The following PACRGL variants were observed in gnomAD, a reference collection of about 807,000 sequenced individuals.
The protein encoded by PACRGL is PACRG-like protein.
In PACRGL, 38 loss-of-function variants were observed where a neutral mutation model predicts 34.5. The ratio of observed to expected loss-of-function variants is 1.10; its 90% CI spans 0.85 to 1.44. The LOEUF (loss-of-function observed/expected upper bound fraction) is 1.44, where lower values mean the gene tolerates loss of function less well. Among genes scored for constraint, PACRGL ranks in the 40% most tolerant of loss-of-function variants. The pLI is 0.00. For synonymous variants in PACRGL, 128 were observed against 100.1 expected, an observed-to-expected ratio of 1.28 and a Z score of -1.66; for missense variants, 305 against 281.4, an observed-to-expected ratio of 1.08 and a Z score of -0.60.
At position 20,700,625 on chromosome 4, in the gene PACRGL, G is replaced by C. The variant is rs1446219731; in HGVS notation, c.-179G>C. Reference sequence around the variant, plus strand: ...CGTGAACCGCGGGTACAGGTGTCCTGTCTGCGCTCTCTGCCAAGCCGGCTT... The same window carrying C: ...CGTGAACCGCGGGTACAGGTGTCCTCTCTGCGCTCTCTGCCAAGCCGGCTT... On this transcript the variant is annotated 5_prime_UTR_variant, in exon 1 of 9. Transcript: ENST00000503585. 1 of 152,126 alleles carries C rather than the reference G, an allele frequency of 6.6e-6. No homozygotes were observed. The highest frequency in any genetic ancestry group is 1.5e-5 in the Non-Finnish European group (1 of 68,056). 9.4% of individuals were successfully genotyped at this position (152,126 alleles called of 1,614,324 possible).
rs1457695332 is a variant in PACRGL at position 20,731,399 on chromosome 4, C to T, written c.*4058C>T. 3.0e-6 allele frequency: 3 copies of T among 985,066 alleles called. No homozygotes were observed. Among genetic ancestry groups the T allele is most frequent in the East Asian group, 1.1e-4 (1 of 8,814 alleles). The allele number at this position is 985,066 out of a possible 1,614,324, so 61.0% of individuals were successfully genotyped here. On this transcript the variant is annotated 3_prime_UTR_variant, in exon 9 of 9. Coordinates refer to ENST00000503585, the MANE Select transcript of PACRGL (RefSeq NM_001258345.3). Reference sequence around the variant, plus strand: ...TTAACAATTTTTAACTGTGGTTCTGCCCACACATCAAGTCAAATAATTCTA... The same window carrying T: ...TTAACAATTTTTAACTGTGGTTCTGTCCACACATCAAGTCAAATAATTCTA...
intron 8 of PACRGL, among the ~76,000 whole-genome samples, chr4:20,745,194 T>C (rs1366026789): frequency 6.6e-6 from 1 of 150,690 alleles, no homozygotes; most frequent in Non-Finnish European, 1.5e-5. Flanking sequence ...TTTTTGTTGC[T>C]GTGAACCAAT....
At chr4:20,713,016 A>G (rs1738031539) in intron 6 of PACRGL, 94 bp downstream of exon 6, 3 of 1,277,234 alleles carry the variant, frequency 2.3e-6, no homozygotes, top group Non-Finnish European at 3.1e-6. Flanking sequence ...TTTTCCCTCC[A>G]TATTATATGC....
chr4:20,716,381 G>A (rs1363674101), intron 7 of PACRGL: 1 of 575,748 alleles, frequency 1.7e-6, no homozygotes, highest in African/African-American at 1.9e-5. Context: ...TAAGTTCTAG[G>A]GTACATGTGC....
intron 1 of PACRGL, 121 bp from the exon 2 acceptor site, chr4:20,704,345 A>G (rs760199280): frequency 3.6e-6 from 3 of 828,822 alleles, no homozygotes; most frequent in African/African-American, 1.7e-5. Flanking sequence ...TTTGCTCCAT[A>G]TCAACTTTTT....
In PACRGL at chr4:20,731,853, T is replaced by C. The variant is rs1206355678; in HGVS notation, c.*4512T>C. The C allele has an allele frequency of 1.0e-6, 1 of 985,310 alleles. No individual in the cohort carries two copies. Among genetic ancestry groups the C allele is most frequent in the Non-Finnish European group, 1.2e-6 (1 of 829,926 alleles). 61.0% of individuals were successfully genotyped at this position (985,310 alleles called of 1,614,324 possible). ...GTTGATTATGTAATTGGTGCTTGTT[T>C]TCAGAGTGGTAGGCTTATGCTGCAT... is the stretch of plus-strand genomic sequence containing the variant. On this transcript the variant is annotated 3_prime_UTR_variant, in exon 9 of 9. Transcript: ENST00000503585.
chr4:20,731,992 C>CT lies in PACRGL; in HGVS notation c.*4654dup. 6.2e-6 allele frequency: 10 copies of CT among 1,612,934 alleles called. No homozygotes were observed. The highest frequency in any genetic ancestry group is 8.5e-6 in the Non-Finnish European group (10 of 1,179,604). On this transcript the variant is annotated 3_prime_UTR_variant, in exon 9 of 9. Coordinates refer to ENST00000503585, the MANE Select transcript of PACRGL (RefSeq NM_001258345.3). ...GATAGCTGAATTGATAGTTATTACACTTTCATTACTTACTTTTTGGCAGCT... is the reference window on the plus strand; with the variant it reads ...GATAGCTGAATTGATAGTTATTACACTTTTCATTACTTACTTTTTGGCAGCT...
rs1381796536 is a variant in PACRGL, at chr4:20,730,217, T to TCAAC, written c.*2879_*2882dup. 1.4e-6 allele frequency: 2 copies of TCAAC among 1,396,602 alleles called. No homozygotes were observed. Among genetic ancestry groups the TCAAC allele is most frequent in the Admixed American group, 5.0e-5 (2 of 39,736 alleles). The allele number at this position is 1,396,602 out of a possible 1,614,324, so 86.5% of individuals were successfully genotyped here. On this transcript the variant is annotated 3_prime_UTR_variant, in exon 9 of 9. Coordinates refer to ENST00000503585, the MANE Select transcript of PACRGL (RefSeq NM_001258345.3). ...TGCCCCTGAGTATTGCCTCCTCCCA[T>TCAAC]CAACCACCTCAACCACCTATGCCAA...
At chr4:20,748,869 CGT>C (rs1423748834) in intron 8 of PACRGL, among the ~76,000 whole-genome samples, 10 of 117,782 alleles carry the variant, frequency 8.5e-5, no homozygotes, top group South Asian at 5.8e-4. Flanking sequence ...ATATGAATTA[CGT>C]GTGTGTGTGT....
chr4:20,727,148 CT>C, intron 8 of PACRGL, 136 bp from the exon 9 acceptor site: 2 of 688,698 alleles, frequency 2.9e-6, no homozygotes, highest in African/African-American at 1.8e-5. Context: ...GCAAAAAGTC[CT>C]TCTTATTTCA....
Position 20,730,934 on chromosome 4 carries a change from A to AT in PACRGL, c.*3595dup, listed in dbSNP as rs1470400481. Among the ~76,000 whole-genome samples the AT allele has an allele frequency of 2.4e-4, 36 of 152,198 alleles. No individual in the cohort carries two copies. The highest frequency in any genetic ancestry group is 5.1e-4 in the Non-Finnish European group (35 of 68,044). ...CCGTCAAGCAGCTTAATGTCACCAA[A>AT]TTAATTCTCTCAAAGACCACTGCAT... On this transcript the variant is annotated 3_prime_UTR_variant, in exon 9 of 9. Transcript: ENST00000503585.
Position 20,730,176 on chromosome 4 carries a change from GA to G in PACRGL, c.*2839del, listed in dbSNP as rs2149248807. The G allele has an allele frequency of 6.4e-7, 1 of 1,567,760 alleles. No individual in the cohort carries two copies. Among genetic ancestry groups the G allele is most frequent in the Non-Finnish European group, 8.6e-7 (1 of 1,158,196 alleles). On this transcript the variant is annotated 3_prime_UTR_variant, in exon 9 of 9. Coordinates refer to ENST00000503585, the MANE Select transcript of PACRGL (RefSeq NM_001258345.3). The stretch of plus-strand genomic sequence containing the variant: ...CGATTAAATTCAGCATATCTGCAAG[GA>G]AAAGTACACTATTTTGCCCCTGAGT...
chr4:20,746,235 A>G (rs1752390741), intron 8 of PACRGL, among the ~76,000 whole-genome samples: 1 of 152,170 alleles, frequency 6.6e-6, no homozygotes, highest in East Asian at 1.9e-4. Context: ...TGGGGAATGA[A>G]GCTGGAAACC....
chr4:20,712,099 A>C (rs1378861329), intron 5 of PACRGL, among the ~76,000 whole-genome samples: 1 of 152,016 alleles, frequency 6.6e-6, no homozygotes, highest in African/African-American at 2.4e-5. Context: ...TTATTATCCT[A>C]GCGAGTTTCC....
chr4:20,736,347 T>C (rs1749627133), downstream of PACRGL, among the ~76,000 whole-genome samples: 1 of 152,198 alleles, frequency 6.6e-6, no homozygotes, highest in African/African-American at 2.4e-5. Flanking sequence ...TTTTTTCTCA[T>C]CATTATTTCT....
At chr4:20,743,860 C>T (rs1184681266) in intron 8 of PACRGL, among the ~76,000 whole-genome samples, 1 of 151,722 alleles carries the variant, frequency 6.6e-6, no homozygotes, top group Non-Finnish European at 1.5e-5. Flanking sequence ...AAAATTTTCG[C>T]AACCTACTCA....
chr4:20,696,887 CATT>C (rs1252702074), upstream of PACRGL, among the ~76,000 whole-genome samples: 1 of 152,168 alleles, frequency 6.6e-6, no homozygotes, highest in African/African-American at 2.4e-5. Flanking sequence ...TAAAATATCA[CATT>C]AATAGTGTTT....
chr4:20,764,952 A>T, the PACRGL span, among the ~76,000 whole-genome samples: 8 of 152,122 alleles, frequency 5.3e-5, no homozygotes, highest in African/African-American at 1.9e-4. Context: ...TACTTTTAAC[A>T]CTTTCATCAA....
At chr4:20,704,277 T>C (rs1232917968) in intron 1 of PACRGL, among the ~76,000 whole-genome samples, 189 bp from the exon 2 acceptor site, 1 of 152,204 alleles carries the variant, frequency 6.6e-6, no homozygotes, top group Non-Finnish European at 1.5e-5. Context: ...ATTTTGCTGT[T>C]ATTGATACTA....
Sources: allele counts gnomAD v4.1 joint callset (sites outside exome capture counted in the v4.1 genomes callset), GRCh38; gene constraint gnomAD v4.1.1; transcripts MANE v1.5; gene names NCBI Gene and HGNC (gene_info 2026-07-23, HGNC 2026-07-21).